Variants in SLC25A13 observed in about 807,000 individuals in gnomAD.
SLC25A13 encodes solute carrier family 25 member 13.
Under a neutral mutation model 85.5 loss-of-function variants are expected in SLC25A13, and 70 were observed. That is an observed-to-expected ratio of 0.82 (90% CI 0.68 to 1.00). SLC25A13 has a LOEUF of 1.00. SLC25A13 is among the 50% of genes least tolerant of loss of function. SLC25A13 has a pLI of 0.00. For synonymous variants in SLC25A13, 259 were observed against 288.7 expected, an observed-to-expected ratio of 0.90 and a Z score of 1.04; for missense variants, 765 against 819.8, an observed-to-expected ratio of 0.93 and a Z score of 0.82.
Position 96,131,898 on chromosome 7 carries a change from GAAGA to G in SLC25A13, c.1453-21_1453-18del. ...TTTGGCACCCTGCACATTTGCAAAG[GAAGA>G]AAAACCACATGAAACACATATCCCA... On this transcript the variant is annotated intron_variant, in intron 14 of 17. Transcript: ENST00000265631. 1.2e-6 allele frequency: 2 copies of G among 1,613,356 alleles called. No homozygotes were observed. The highest frequency in any genetic ancestry group is 1.7e-6 in the Non-Finnish European group (2 of 1,179,660).
intron 15 of SLC25A13, among the ~76,000 whole-genome samples, chr7:96,131,510 A>G (rs1313611881): frequency 6.6e-6 from 1 of 152,246 alleles, no homozygotes; most frequent in Admixed American, 6.5e-5. Flanking sequence ...AAATAAGCCA[A>G]TATTTAATGA....
chr7:96,265,061 G>A (rs186490972), intron 3 of SLC25A13, among the ~76,000 whole-genome samples: 2 of 152,234 alleles, frequency 1.3e-5, no homozygotes, highest in Admixed American at 6.5e-5. Flanking sequence ...TAGATAACTG[G>A]GGATGTTCTT....
rs1306551477 is a variant in SLC25A13 at position 96,322,061 on chromosome 7, G to C, written c.-105C>G. Reference sequence around the variant, plus strand: ...TCCCGGCGGCGGCGGCGGTGGGGGCGGCGATACGGCCAGGCAGCGTGCGTT... The same window carrying C: ...TCCCGGCGGCGGCGGCGGTGGGGGCCGCGATACGGCCAGGCAGCGTGCGTT... On this transcript the variant is annotated 5_prime_UTR_variant, in exon 1 of 18. Transcript: ENST00000265631. 1 of 1,442,040 alleles carries C rather than the reference G, an allele frequency of 6.9e-7. No individual in the cohort carries two copies. Among genetic ancestry groups the C allele is most frequent in the South Asian group, 1.3e-5 (1 of 79,356 alleles). The allele number at this position is 1,442,040 out of a possible 1,614,324, so 89.3% of individuals were successfully genotyped here.
At position 96,208,822 on chromosome 7, in the gene SLC25A13, T is replaced by C. The variant is rs758869151; in HGVS notation, c.468+16A>G. ...GCCCGGCCATACCCTTTTAACTTTT[T>C]AAGAGCTAGACCCACCAATAAAAAC... On this transcript the variant is annotated intron_variant, in intron 5 of 17. Transcript: ENST00000265631. 3 of 1,613,644 alleles carry C rather than the reference T, an allele frequency of 1.9e-6. No individual in the cohort carries two copies. The African/African-American group carries it at 4.0e-5, about 22-fold the overall frequency.
At chr7:96,231,088 G>C (rs1233182787) in intron 4 of SLC25A13, among the ~76,000 whole-genome samples, 3 of 152,078 alleles carry the variant, frequency 2.0e-5, no homozygotes, top group African/African-American at 7.2e-5. Flanking sequence ...TCCAGCCTGG[G>C]CAATAGAGCA....
chr7:96,197,591 C>T (rs1390630024), intron 5 of SLC25A13, among the ~76,000 whole-genome samples: 1 of 152,110 alleles, frequency 6.6e-6, no homozygotes, highest in Non-Finnish European at 1.5e-5. Context: ...AAAATCAAAG[C>T]TCCTGGTTTG....
At chr7:96,163,726 A>T (rs750914518) in intron 13 of SLC25A13, among the ~76,000 whole-genome samples, 6 of 152,172 alleles carry the variant, frequency 3.9e-5, no homozygotes, top group Non-Finnish European at 8.8e-5. Context: ...AGAGGAAATC[A>T]ATCAGTAGAG....
chr7:96,229,731 C>T (rs1287905273), intron 4 of SLC25A13, among the ~76,000 whole-genome samples: 4 of 151,682 alleles, frequency 2.6e-5, no homozygotes, highest in East Asian at 1.9e-4. Flanking sequence ...ACACTCACAG[C>T]GAAAGTCTGC....
chr7:96,288,371 T>C (rs766418798), intron 2 of SLC25A13, among the ~76,000 whole-genome samples: 9 of 152,158 alleles, frequency 5.9e-5, no homozygotes, highest in Non-Finnish European at 1.2e-4. Context: ...ATTTCTGCAT[T>C]TCCAACTGAG....
chr7:96,217,633 A>G (rs1795944676), intron 4 of SLC25A13, among the ~76,000 whole-genome samples: 1 of 152,200 alleles, frequency 6.6e-6, no homozygotes, highest in African/African-American at 2.4e-5. Flanking sequence ...CAATCATGAA[A>G]GCCCACATTT....
intron 15 of SLC25A13, among the ~76,000 whole-genome samples, chr7:96,122,451 A>G (rs11979721): frequency 0.013 from 2,037 of 152,224 alleles, 41 homozygotes; most frequent in African/African-American, 0.047. Flanking sequence ...TGGCAGTCAC[A>G]GGAGGTGCTT....
intron 13 of SLC25A13, among the ~76,000 whole-genome samples, chr7:96,154,527 C>A (rs923216852): frequency 6.6e-6 from 1 of 152,138 alleles, no homozygotes; most frequent in African/African-American, 2.4e-5. Context: ...GAACTCCTGA[C>A]CTCAGGTGAT....
intron 3 of SLC25A13, among the ~76,000 whole-genome samples, chr7:96,265,300 A>G (rs1798007378): frequency 6.6e-6 from 1 of 152,244 alleles, no homozygotes; most frequent in Non-Finnish European, 1.5e-5. Flanking sequence ...TCCAAATGTT[A>G]GGAAACTTCA....
At chr7:96,264,776 T>C (rs1314178778) in intron 3 of SLC25A13, among the ~76,000 whole-genome samples, 2 of 152,120 alleles carry the variant, frequency 1.3e-5, no homozygotes, top group African/African-American at 2.4e-5. Context: ...CTCAAACTCC[T>C]GGCCTCAAGC....
intron 11 of SLC25A13, among the ~76,000 whole-genome samples, chr7:96,173,012 C>A (rs928863810): frequency 6.6e-6 from 1 of 152,248 alleles, no homozygotes; most frequent in Non-Finnish European, 1.5e-5. Context: ...CCTGCCTTGG[C>A]CTTCCAAAGT....
intron 3 of SLC25A13, among the ~76,000 whole-genome samples, chr7:96,255,023 T>A (rs1204751011): frequency 6.6e-6 from 1 of 152,082 alleles, no homozygotes; most frequent in African/African-American, 2.4e-5. Context: ...AAAATGAACC[T>A]CCCTATATAT....
At chr7:96,270,741 A>G (rs1798210477) in intron 3 of SLC25A13, among the ~76,000 whole-genome samples, 1 of 152,134 alleles carries the variant, frequency 6.6e-6, no homozygotes, top group African/African-American at 2.4e-5. Flanking sequence ...TAAACAAAAC[A>G]AATTCCCATA....
chr7:96,294,887 C>T (rs1482509346), intron 2 of SLC25A13, among the ~76,000 whole-genome samples: 3 of 152,072 alleles, frequency 2.0e-5, no homozygotes, highest in Non-Finnish European at 2.9e-5. Flanking sequence ...TTCCTCCCCA[C>T]AAAACTATCC....
At chr7:96,240,980 A>AGAGGGGAGGGCAGGGGAGGG (rs1554363699) in intron 3 of SLC25A13, among the ~76,000 whole-genome samples, 13 of 14,598 alleles carry the variant, frequency 8.9e-4, no homozygotes, top group Non-Finnish European at 1.4e-3. Context: ...AAAGGAGAGG[A>AGAGGGGAGGGCAGGGGAGGG]GAGGGGAGGG....
Sources: gnomAD v4.1 joint callset for allele counts (sites outside exome capture counted in the v4.1 genomes callset) on GRCh38, gnomAD v4.1.1 for gene constraint, MANE v1.5 for transcripts, NCBI Gene and HGNC (gene_info 2026-07-23, HGNC 2026-07-21) for gene names.